The following XYLB variants were observed in gnomAD, a reference collection of about 807,000 sequenced individuals.
XYLB encodes the protein xylulokinase.
Under a neutral mutation model 78.7 loss-of-function variants are expected in XYLB, and 62 were observed. The observed-to-expected ratio is 0.79, with a 90% CI of 0.64 to 0.97. XYLB has a LOEUF of 0.97. Among genes scored for constraint, XYLB ranks in the 50% least tolerant of loss-of-function variants. The pLI, the probability that XYLB is intolerant of heterozygous loss-of-function variation, is 0.00. For missense variants in XYLB, 687 were observed against 676.8 expected (o/e 1.02, Z -0.17); for synonymous variants, 245 against 247.4 (o/e 0.99, Z 0.09).
At chr3:38,347,334 A>T (rs112665255) in intron 1 of XYLB, among the ~76,000 whole-genome samples, 4,773 of 152,304 alleles carry the variant, frequency 0.031, 123 homozygotes, top group Middle Eastern at 0.061. Flanking sequence ...CCCTGCGCAC[A>T]TGCACAACCA....
the XYLB span, among the ~76,000 whole-genome samples, chr3:38,435,484 A>G: frequency 1.3e-5 from 2 of 152,210 alleles, no homozygotes; most frequent in Non-Finnish European, 1.5e-5. Flanking sequence ...AGCCTGCAAT[A>G]CAATCATAGT....
intron 2 of XYLB, among the ~76,000 whole-genome samples, chr3:38,351,716 T>A (rs964815443): frequency 6.6e-6 from 1 of 152,224 alleles, no homozygotes; most frequent in African/African-American, 2.4e-5. Flanking sequence ...ACCGCTGATG[T>A]GTTTTCTATC....
At chr3:38,351,193 A>T (rs1203308138) in intron 2 of XYLB, among the ~76,000 whole-genome samples, 1 of 149,136 alleles carries the variant, frequency 6.7e-6, no homozygotes, top group Non-Finnish European at 1.5e-5. Context: ...AAAAAAAAAA[A>T]AAAAAAGGAA....
chr3:38,398,745 T>C (rs1169964877), intron 17 of XYLB, among the ~76,000 whole-genome samples: 3 of 149,202 alleles, frequency 2.0e-5, no homozygotes, highest in Non-Finnish European at 4.5e-5. Flanking sequence ...GACATTTCGG[T>C]TGGGTGCAGT....
chr3:38,433,438 C>A, the XYLB span, among the ~76,000 whole-genome samples: 2 of 152,336 alleles, frequency 1.3e-5, no homozygotes, highest in African/African-American at 4.8e-5. Context: ...GCTTGAATTT[C>A]TCCTCAGAAA....
chr3:38,364,437 C>T (rs1027840569), intron 4 of XYLB, among the ~76,000 whole-genome samples: 5 of 151,984 alleles, frequency 3.3e-5, no homozygotes, highest in African/African-American at 1.2e-4. Context: ...TCCAGGGTTC[C>T]TACCACCTCC....
At position 38,387,329 on chromosome 3, in the gene XYLB, C is replaced by G. The variant is rs1226071339; in HGVS notation, c.1291+7987C>G. ...TCTATTCTTTTTTTTTTTTCTCTCT[C>G]TCCCTGCTTCAGTTGGACAAGTTCA... On this transcript the variant is annotated intron_variant, in intron 15 of 18. Coordinates refer to ENST00000207870, the MANE Select transcript of XYLB (RefSeq NM_005108.4). Among the ~76,000 whole-genome samples, 4 of 150,506 alleles carry G rather than the reference C, an allele frequency of 2.7e-5. No individual in the cohort carries two copies. The East Asian group carries it at 5.8e-4, about 22-fold the overall frequency.
In XYLB at chr3:38,413,545, T is replaced by C. The variant is rs575010476; in HGVS notation, c.*532T>C. On this transcript the variant is annotated 3_prime_UTR_variant, in exon 19 of 19. Transcript: ENST00000207870. ...TCTTCTCTCCCACACCCTGCCCTCC[T>C]TGTTTCAGCTGTCTGAGGTGCCTCG... 1 of 152,602 alleles carries C rather than the reference T, an allele frequency of 6.6e-6. No homozygotes were observed. The highest frequency in any genetic ancestry group is 2.1e-4 in the South Asian group (1 of 4,800). The allele number at this position is 152,602 out of a possible 1,614,324, so 9.5% of individuals were successfully genotyped here. A position where few individuals can be genotyped will look rare whatever the true frequency, so the allele number is the denominator to read the frequency against.
chr3:38,395,106 A>G (rs1396768458), intron 15 of XYLB, among the ~76,000 whole-genome samples: 2 of 152,180 alleles, frequency 1.3e-5, no homozygotes, highest in African/African-American at 4.8e-5. Flanking sequence ...GAATATCAGG[A>G]GGGAGGGATT....
At chr3:38,396,200 A>G (rs914344079) in intron 16 of XYLB, among the ~76,000 whole-genome samples, 1 of 152,202 alleles carries the variant, frequency 6.6e-6, no homozygotes, top group Non-Finnish European at 1.5e-5. Context: ...GAATTCTTCT[A>G]TAAGCAGTTT....
the XYLB span, among the ~76,000 whole-genome samples, chr3:38,432,573 A>T: frequency 1.8e-4 from 28 of 151,962 alleles, no homozygotes; most frequent in African/African-American, 6.5e-4. Flanking sequence ...CAAAAAAAAA[A>T]TTTACTTCCT....
At chr3:38,448,093 C>T in the XYLB span, among the ~76,000 whole-genome samples, 9 of 152,096 alleles carry the variant, frequency 5.9e-5, no homozygotes, top group Non-Finnish European at 8.8e-5. Flanking sequence ...TCATTGGCAG[C>T]ATCGTGGATG....
intron 18 of XYLB, among the ~76,000 whole-genome samples, chr3:38,403,083 G>A (rs1446102800): frequency 6.6e-6 from 1 of 152,062 alleles, no homozygotes; most frequent in Non-Finnish European, 1.5e-5. Context: ...GATTGCTTGA[G>A]CCCAGGAGTT....
chr3:38,397,541 A>G (rs1707925655), intron 17 of XYLB, among the ~76,000 whole-genome samples: 1 of 152,104 alleles, frequency 6.6e-6, no homozygotes, highest in African/African-American at 2.4e-5. Context: ...GTTGAAACAA[A>G]GGGGAAGGCT....
intron 2 of XYLB, among the ~76,000 whole-genome samples, chr3:38,355,363 C>T (rs1705592659): frequency 6.6e-6 from 1 of 152,216 alleles, no homozygotes; most frequent in Admixed American, 6.5e-5. Context: ...TGAGTGAGCC[C>T]AGCTGAGCCC....
At chr3:38,416,383 A>G (rs901881137), downstream of XYLB, among the ~76,000 whole-genome samples, 3 of 152,218 alleles carry the variant, frequency 2.0e-5, no homozygotes, top group African/African-American at 7.2e-5. Context: ...AATTACTAGA[A>G]TAAAAATGTA....
intron 18 of XYLB, among the ~76,000 whole-genome samples, chr3:38,412,621 A>G (rs1708640581): frequency 6.6e-6 from 1 of 152,148 alleles, no homozygotes; most frequent in Admixed American, 6.5e-5. Flanking sequence ...TTTCCCAAAG[A>G]GTTGTATCAC....
chr3:38,421,647 T>C (rs1005882098), downstream of XYLB, among the ~76,000 whole-genome samples: 1 of 152,194 alleles, frequency 6.6e-6, no homozygotes, highest in Non-Finnish European at 1.5e-5. Flanking sequence ...CAGTGTGGGC[T>C]CTGGTTCATT....
Position 38,413,395 on chromosome 3 carries a change from A to G in XYLB, c.*382A>G. The stretch of plus-strand genomic sequence containing the variant: ...GAGACAAAGCCCGGTCTCACCCCCT[A>G]ACCTCATCCTATCTCTTTCTCCAAC... On this transcript the variant is annotated 3_prime_UTR_variant, in exon 19 of 19. Coordinates refer to ENST00000207870, the MANE Select transcript of XYLB (RefSeq NM_005108.4). The G allele has an allele frequency of 5.7e-6, 1 of 176,394 alleles. No individual in the cohort carries two copies. Among genetic ancestry groups the G allele is most frequent in the Non-Finnish European group, 1.2e-5 (1 of 84,926 alleles). 10.9% of individuals were successfully genotyped at this position (176,394 alleles called of 1,614,324 possible). A position where few individuals can be genotyped will look rare whatever the true frequency, so the allele number is the denominator to read the frequency against.
Sources: gnomAD v4.1 joint callset for allele counts (sites outside exome capture counted in the v4.1 genomes callset) on GRCh38, gnomAD v4.1.1 for gene constraint, MANE v1.5 for transcripts, NCBI Gene and HGNC (gene_info 2026-07-23, HGNC 2026-07-21) for gene names.